The following KLHL5 variants were observed in gnomAD, a reference collection of about 807,000 sequenced individuals.
KLHL5 encodes kelch like family member 5.
A neutral mutation model predicts 77.7 loss-of-function variants in KLHL5; 48 were observed. The observed-to-expected ratio is 0.62, with a 90% CI of 0.49 to 0.79. The LOEUF (loss-of-function observed/expected upper bound fraction) is 0.79, where lower values mean the gene tolerates loss of function less well. Among genes scored for constraint, KLHL5 ranks in the 30% least tolerant of loss-of-function variants. KLHL5 has a pLI of 0.00. For missense variants in KLHL5, 723 were observed against 859.7 expected, an observed-to-expected ratio of 0.84 and a Z score of 1.99; for synonymous variants, 260 against 297.0, an observed-to-expected ratio of 0.88 and a Z score of 1.28.
chr4:39,103,558 C>T (rs777097946), intron 7 of KLHL5, 47 bp downstream of exon 7: 41 of 1,464,458 alleles, frequency 2.8e-5, no homozygotes, highest in Non-Finnish European at 3.3e-5. Flanking sequence ...ATAGCTCCCA[C>T]GGCACATTTA....
At chr4:39,114,590 C>T (rs1722701030) in intron 9 of KLHL5, among the ~76,000 whole-genome samples, 1 of 152,160 alleles carries the variant, frequency 6.6e-6, no homozygotes, top group Non-Finnish European at 1.5e-5. Flanking sequence ...ACAATTGAGA[C>T]CTATGCTCGT....
intron 8 of KLHL5, 79 bp downstream of exon 8, chr4:39,107,810 T>A (rs1722163663): frequency 2.0e-6 from 2 of 1,004,412 alleles, no homozygotes; most frequent in Non-Finnish European, 2.8e-6. Flanking sequence ...TTTAAAGATA[T>A]ACATAAATAC....
rs36042316 is a variant in KLHL5, at chr4:39,125,164, G to GA, written c.*4106dup. ...ATAGACCTAGGATCTAAACCTACAGGAAAAAAAATGAATAATAGAGAAAAT... is the reference window on the plus strand; with the variant it reads ...ATAGACCTAGGATCTAAACCTACAGGAAAAAAAAATGAATAATAGAGAAAAT... On this transcript the variant is annotated 3_prime_UTR_variant, in exon 11 of 11. Transcript: ENST00000504108. Among the ~76,000 whole-genome samples, 79,110 of 151,408 alleles carry GA rather than the reference G, an allele frequency of 0.52. 21,225 individuals carry two copies. Among genetic ancestry groups the GA allele is most frequent in the Non-Finnish European group, 0.59 (40,150 of 67,880 alleles).
Position 39,115,167 on chromosome 4 carries a change from C to A in KLHL5, c.1910C>A (p.Pro637His). 1 of 1,604,108 alleles carries A rather than the reference C, an allele frequency of 6.2e-7. No homozygotes were observed. The highest frequency in any genetic ancestry group is 8.5e-7 in the Non-Finnish European group (1 of 1,177,522). Reference sequence around the variant, plus strand: ...CTAAAATTTTCTTACAGATATGATCCCAAAACAGACATGTGGACTGCAGTA... The same window carrying A: ...CTAAAATTTTCTTACAGATATGATCACAAAACAGACATGTGGACTGCAGTA... ...RLSDCVERYD[P>H]KTDMWTAVAS... Residue 637 changes from proline to histidine, a missense_variant, in exon 10 of 11, where the codon CCC (proline) becomes CAC (histidine). Pro to His is a moderately conservative substitution (Grantham distance 77, BLOSUM62 -2). Transcript: ENST00000504108.
intron 5 of KLHL5, among the ~76,000 whole-genome samples, chr4:39,094,476 A>T (rs927226953): frequency 2.0e-5 from 3 of 151,606 alleles, no homozygotes; most frequent in Non-Finnish European, 2.9e-5. Flanking sequence ...GAATTCCAAG[A>T]GAATCAGGAT....
At chr4:39,075,602 A>G (rs895354467) in intron 1 of KLHL5, among the ~76,000 whole-genome samples, 18 of 152,208 alleles carry the variant, frequency 1.2e-4, no homozygotes, top group African/African-American at 4.3e-4. Flanking sequence ...TTCAAAGATG[A>G]ATGATCTCTT....
intron 1 of KLHL5, chr4:39,045,113 T>C (rs1265767407): frequency 3.0e-6 from 3 of 984,460 alleles, no homozygotes; most frequent in Admixed American, 1.2e-4. Context: ...GCGACTTCCT[T>C]CTCGGCATCG....
chr4:39,107,324 A>G (rs1722115262), intron 7 of KLHL5, among the ~76,000 whole-genome samples: 1 of 151,998 alleles, frequency 6.6e-6, no homozygotes, highest in Admixed American at 6.6e-5. Flanking sequence ...CTGAGATTAC[A>G]GGCATAAGTC....
intron 8 of KLHL5, 142 bp downstream of exon 8, chr4:39,107,873 T>C: frequency 5.3e-6 from 3 of 563,408 alleles, no homozygotes; most frequent in Non-Finnish European, 8.9e-6. Context: ...ATAATAGTTG[T>C]AAATATATTG....
At chr4:39,103,589 AC>A in intron 7 of KLHL5, 78 bp downstream of exon 7, 1 of 1,181,172 alleles carries the variant, frequency 8.5e-7, no homozygotes, top group Non-Finnish European at 1.2e-6. Flanking sequence ...CAGGCAGAGG[AC>A]CCGTGTGGCA....
intron 10 of KLHL5, chr4:39,115,630 A>G (rs1489447331): frequency 2.9e-6 from 4 of 1,358,652 alleles, no homozygotes; most frequent in Non-Finnish European, 3.8e-6. Flanking sequence ...GGCTGCAACA[A>G]TGGGAGGGGA....
rs1374941157 is a variant in KLHL5 at position 39,124,801 on chromosome 4, G to GC, written c.*3736dup. 5.8e-5 allele frequency among the ~76,000 whole-genome samples: 1 copy of GC among 17,194 alleles called. No homozygotes were observed. The highest frequency in any genetic ancestry group is 1.1e-3 in the East Asian group (1 of 872). 11.3% of individuals were successfully genotyped at this position (17,194 alleles called of 152,430 possible). On this transcript the variant is annotated 3_prime_UTR_variant, in exon 11 of 11. Transcript: ENST00000504108. The stretch of plus-strand genomic sequence containing the variant: ...GGCACCAAAAGCACAAGCAACAACA[G>GC]CAAAAAAAAAAAAAAAAAAAAAAAA...
the KLHL5 span, among the ~76,000 whole-genome samples, chr4:39,133,535 C>T: frequency 1.4e-5 from 2 of 148,112 alleles, no homozygotes; most frequent in African/African-American, 2.5e-5. Flanking sequence ...GAGTTCAAAA[C>T]CAGCCTGGAC....
chr4:39,100,396 C>G (rs1024933271), intron 6 of KLHL5, among the ~76,000 whole-genome samples: 2 of 152,138 alleles, frequency 1.3e-5, no homozygotes, highest in Non-Finnish European at 2.9e-5. Flanking sequence ...CCTTCTAATT[C>G]CAGTTAGCCT....
intron 5 of KLHL5, among the ~76,000 whole-genome samples, 177 bp downstream of exon 5, chr4:39,086,904 C>CTTTTTTTTT (rs71643263): frequency 5.0e-4 from 39 of 78,350 alleles, no homozygotes; most frequent in Non-Finnish European, 6.8e-4. Context: ...AAGTAACATT[C>CTTTTTTTTT]TTTTTTTTTT....
Position 39,103,340 on chromosome 4 carries a change from G to A in KLHL5, c.1354G>A (p.Ala452Thr). ...DLRTNMWTPV[A>T]NMNGRRLQFG... ...CCGTACAAATATGTGGACTCCAGTAGCAAATATGAATGGGAGGAGGCTACA... is the reference window on the plus strand; with the variant it reads ...CCGTACAAATATGTGGACTCCAGTAACAAATATGAATGGGAGGAGGCTACA... Residue 452 changes from alanine to threonine, a missense_variant, in exon 7 of 11, where the codon GCA (alanine) becomes ACA (threonine). Ala to Thr is a moderately conservative substitution (Grantham distance 58). Around this residue, in one of 3 missense-constraint regions of KLHL5, gnomAD observed 288 missense variants for 400.3 expected, o/e 0.72. Coordinates refer to ENST00000504108, the MANE Select transcript of KLHL5 (RefSeq NM_015990.5). 1 of 1,614,082 alleles carries A rather than the reference G, an allele frequency of 6.2e-7. No homozygotes were observed. The highest frequency in any genetic ancestry group is 8.5e-7 in the Non-Finnish European group (1 of 1,180,016).
At chr4:39,067,785 A>G (rs1560411171) in intron 1 of KLHL5, among the ~76,000 whole-genome samples, 1 of 151,024 alleles carries the variant, frequency 6.6e-6, no homozygotes, top group Non-Finnish European at 1.5e-5. Flanking sequence ...GGTTCAAGCG[A>G]TTCTCCTGCC....
intron 1 of KLHL5, among the ~76,000 whole-genome samples, chr4:39,064,034 T>A (rs904480213): frequency 1.3e-5 from 2 of 152,168 alleles, no homozygotes; most frequent in African/African-American, 4.8e-5. Flanking sequence ...TGTGCAGCTT[T>A]TGATAACACT....
chr4:39,076,262 A>C, intron 2 of KLHL5, 115 bp downstream of exon 2: 1 of 863,966 alleles, frequency 1.2e-6, no homozygotes, highest in East Asian at 2.8e-5. Flanking sequence ...GGTGTAGTTC[A>C]TGGAATTTCC....
Sources: gnomAD v4.1 joint callset for allele counts (sites outside exome capture counted in the v4.1 genomes callset) on GRCh38, gnomAD v4.1.1 for gene constraint, gnomAD v4.1.1 regional missense constraint, MANE v1.5 for transcripts, NCBI Gene and HGNC (gene_info 2026-07-23, HGNC 2026-07-21) for gene names.